TIMM23: variants seen among roughly 807,000 people sequenced by gnomAD.
TIMM23 encodes mitochondrial import inner membrane translocase subunit Tim23.
TIMM23 carries 19 observed loss-of-function variants against 30.7 expected under a neutral mutation model. That is an observed-to-expected ratio of 0.62 (90% CI 0.43 to 0.91). The LOEUF (loss-of-function observed/expected upper bound fraction) is 0.91. Among genes scored for constraint, TIMM23 ranks in the 40% least tolerant of loss-of-function variants. The pLI is 0.00. For synonymous variants in TIMM23, 78 were observed against 98.5 expected, an observed-to-expected ratio of 0.79 and a Z score of 1.23; for missense variants, 202 against 269.2, an observed-to-expected ratio of 0.75 and a Z score of 1.75.
chr10:45,982,252 C>T (rs1364697549), intron 2 of TIMM23, among the ~76,000 whole-genome samples: 1 of 152,202 alleles, frequency 6.6e-6, no homozygotes. Flanking sequence ...GCTGTCCTTT[C>T]TAAACACTTT....
Position 45,990,871 on chromosome 10 carries a change from A to C in TIMM23, c.514+2024A>C, listed in dbSNP as rs1232925489. ...TAAGAATTGTACAAAATACGCTTAA[A>C]GTAGAAAGGAGGTCACATCCTTTAT... On this transcript the variant is annotated intron_variant, in intron 6 of 6. Transcript: ENST00000580018. 2.0e-5 allele frequency among the ~76,000 whole-genome samples: 3 copies of C among 152,248 alleles called. No individual in the cohort carries two copies. The East Asian group carries it at 5.8e-4, about 29-fold the overall frequency.
chr10:45,992,654 T>G, intron 6 of TIMM23: 1 of 395,724 alleles, frequency 2.5e-6, no homozygotes, highest in Non-Finnish European at 5.0e-6. Context: ...ACCTCCCGGG[T>G]TCAAGCGATT....
rs1382750234 is a variant in TIMM23 at position 46,003,610 on chromosome 10, C to T, written c.*292C>T. 4 of 265,160 alleles carry T rather than the reference C, an allele frequency of 1.5e-5. No individual in the cohort carries two copies. The highest frequency in any genetic ancestry group is 2.9e-5 in the Non-Finnish European group (4 of 136,564). The allele number at this position is 265,160 out of a possible 1,614,324, so 16.4% of individuals were successfully genotyped here. A position where few individuals can be genotyped will look rare whatever the true frequency, so the allele number is the denominator to read the frequency against. On this transcript the variant is annotated 3_prime_UTR_variant, in exon 7 of 7. Coordinates refer to ENST00000580018, the MANE Select transcript of TIMM23 (RefSeq NM_006327.4). ...CCCATGAACTAGAAAACCACTTACT[C>T]CCAGAATTCAGGTCGTGCTTGTTAG... is the stretch of plus-strand genomic sequence containing the variant.
intron 4 of TIMM23, 138 bp downstream of exon 4, chr10:45,983,068 C>T (rs1554914295): frequency 3.9e-6 from 5 of 1,271,842 alleles, no homozygotes; most frequent in Non-Finnish European, 5.5e-6. Flanking sequence ...TAATCTTAAT[C>T]AAAATAAAAG....
At chr10:46,000,377 C>T (rs1363662749) in intron 6 of TIMM23, among the ~76,000 whole-genome samples, 1 of 152,238 alleles carries the variant, frequency 6.6e-6, no homozygotes, top group East Asian at 1.9e-4. Context: ...GCCGGTCCCT[C>T]CGTTTGGGGT....
chr10:45,979,324 G>A (rs1228455982), intron 2 of TIMM23, among the ~76,000 whole-genome samples: 1 of 151,982 alleles, frequency 6.6e-6, no homozygotes, highest in East Asian at 1.9e-4. Flanking sequence ...TTTTTTCTAA[G>A]AGACAAAGTC....
chr10:45,975,809 G>A (rs1837657412), intron 2 of TIMM23, among the ~76,000 whole-genome samples: 2 of 152,246 alleles, frequency 1.3e-5, no homozygotes, highest in Non-Finnish European at 2.9e-5. Flanking sequence ...TTGTTTGTTT[G>A]TTTGTTTTTG....
At chr10:45,974,103 G>A (rs2132237354) in intron 1 of TIMM23, among the ~76,000 whole-genome samples, 1 of 151,978 alleles carries the variant, frequency 6.6e-6, no homozygotes, top group South Asian at 2.1e-4. Context: ...ACCATTTACT[G>A]AGCTTTTACA....
At chr10:45,976,418 C>G (rs1303895912) in intron 2 of TIMM23, among the ~76,000 whole-genome samples, 4 of 139,874 alleles carry the variant, frequency 2.9e-5, no homozygotes, top group Non-Finnish European at 6.1e-5. Context: ...TGAGACCAGC[C>G]TGGCCAACAT....
At chr10:45,976,227 A>G (rs1276892652) in intron 2 of TIMM23, among the ~76,000 whole-genome samples, 1 of 152,006 alleles carries the variant, frequency 6.6e-6, no homozygotes, top group South Asian at 2.1e-4. Flanking sequence ...AAAGCAATCA[A>G]GGAAAGAATA....
chr10:45,974,594 T>C (rs1354389442), intron 1 of TIMM23, among the ~76,000 whole-genome samples: 1 of 152,218 alleles, frequency 6.6e-6, no homozygotes, highest in Non-Finnish European at 1.5e-5. Flanking sequence ...GGAGTTTCGA[T>C]TTTCTTAAGA....
intron 2 of TIMM23, among the ~76,000 whole-genome samples, chr10:45,977,675 A>G (rs1837714356): frequency 6.6e-6 from 1 of 152,258 alleles, no homozygotes; most frequent in Admixed American, 6.5e-5. Context: ...CACAAGTGGT[A>G]AAAAGAAAGT....
chr10:46,002,623 G>A (rs530838459), intron 6 of TIMM23: 1 of 458,260 alleles, frequency 2.2e-6, no homozygotes, highest in Non-Finnish European at 2.9e-6. Flanking sequence ...AGCAGGAAAC[G>A]ACTGTTCTAG....
rs1201054260 is a variant in TIMM23 at position 45,982,646 on chromosome 10, T to C, written c.259+30T>C. On this transcript the variant is annotated intron_variant, in intron 3 of 6. Coordinates refer to ENST00000580018, the MANE Select transcript of TIMM23 (RefSeq NM_006327.4). Reference sequence around the variant, plus strand: ...GTGTTACATACTTTTTTCTCAAGAGTGCTCAGTTCAAGTAGTTGAGGGTGC... The same window carrying C: ...GTGTTACATACTTTTTTCTCAAGAGCGCTCAGTTCAAGTAGTTGAGGGTGC... 4 of 1,613,262 alleles carry C rather than the reference T, an allele frequency of 2.5e-6. No homozygotes were observed. The Admixed American group carries it at 5.0e-5, about 20-fold the overall frequency.
chr10:45,993,895 G>GTGAAA (rs1458945077), intron 6 of TIMM23, among the ~76,000 whole-genome samples: 4 of 151,878 alleles, frequency 2.6e-5, no homozygotes, highest in African/African-American at 2.4e-5. Context: ...GAAACACCGG[G>GTGAAA]TGAAATGAAA....
At chr10:45,998,148 C>A (rs1554917073) in intron 6 of TIMM23, among the ~76,000 whole-genome samples, 7 of 151,892 alleles carry the variant, frequency 4.6e-5, no homozygotes, top group African/African-American at 1.7e-4. Context: ...ATATAAGTAC[C>A]TACATAACAA....
At chr10:46,002,419 T>G in intron 6 of TIMM23, 1 of 686,734 alleles carries the variant, frequency 1.5e-6, no homozygotes, top group African/African-American at 1.9e-5. Context: ...CAAGCCTGCC[T>G]CAGCCTCCCA....
At chr10:45,996,169 G>A (rs1321836026) in intron 6 of TIMM23, among the ~76,000 whole-genome samples, 1 of 141,326 alleles carries the variant, frequency 7.1e-6, no homozygotes, top group Non-Finnish European at 1.5e-5. Context: ...AGACCATCCT[G>A]GCTAACACAG....
intron 5 of TIMM23, among the ~76,000 whole-genome samples, chr10:45,986,037 T>C (rs1178459242): frequency 6.6e-6 from 1 of 152,244 alleles, no homozygotes; most frequent in African/African-American, 2.4e-5. Context: ...TTATGGCTTA[T>C]GTCCTGACAT....
Sources: gnomAD v4.1 joint callset for allele counts (sites outside exome capture counted in the v4.1 genomes callset) on GRCh38, gnomAD v4.1.1 for gene constraint, MANE v1.5 for transcripts, NCBI Gene and HGNC (gene_info 2026-07-23, HGNC 2026-07-21) for gene names.